USH2A: variants seen among roughly 807,000 people sequenced by gnomAD.
USH2A encodes the protein usherin, also known as Usher syndrome 2A (autosomal recessive, mild).
A neutral mutation model predicts 538.9 loss-of-function variants in USH2A; 443 were observed. That is an observed-to-expected ratio of 0.82 (90% CI 0.76 to 0.89). The LOEUF (loss-of-function observed/expected upper bound fraction) is 0.89, where lower values mean the gene tolerates loss of function less well. Ranked by LOEUF, USH2A falls within the 40% of genes least tolerant of loss-of-function variation. The pLI, the probability that USH2A is intolerant of heterozygous loss-of-function variation, is 0.00. For synonymous variants in USH2A, 2,413 were observed against 2,273.5 expected (o/e 1.06, Z -1.75); for missense variants, 6,633 against 6,324.8 (o/e 1.05, Z -1.65).
At chr1:215,770,158 C>T (rs1661239106) in intron 55 of USH2A, among the ~76,000 whole-genome samples, 2 of 152,128 alleles carry the variant, frequency 1.3e-5, no homozygotes, top group South Asian at 2.1e-4. Context: ...AGGCTTTGTA[C>T]TTTATTTAGC....
In USH2A at chr1:216,174,835, T is replaced by G. The variant is rs957165127; in HGVS notation, c.4627+417A>C. On this transcript the variant is annotated intron_variant, in intron 21 of 71. Transcript: ENST00000307340. ...GCATGATTAGCTAAGCAAAGTTGAA[T>G]AGCTTTCTTACAATGCTTTTTGGAG... The G allele has an allele frequency of 4.9e-6, 5 of 1,025,862 alleles. No homozygotes were observed. In the African/African-American group the frequency reaches 8.6e-5, roughly 18 times the overall value. The allele number at this position is 1,025,862 out of a possible 1,614,324, so 63.5% of individuals were successfully genotyped here.
chr1:216,244,654 C>T lies in USH2A; in HGVS notation c.2809+1931G>A, dbSNP rs916646176. 2.6e-5 allele frequency among the ~76,000 whole-genome samples: 4 copies of T among 151,716 alleles called. 1 individual carries two copies. Among genetic ancestry groups the T allele is most frequent in the Non-Finnish European group, 5.9e-5 (4 of 67,908 alleles). On this transcript the variant is annotated intron_variant, in intron 13 of 71. Transcript: ENST00000307340. ...ATGGTGTAGATTAAATTATCCATGGCTTTTTCTGCAATGATATGCAAAACA... is the reference window on the plus strand; with the variant it reads ...ATGGTGTAGATTAAATTATCCATGGTTTTTTCTGCAATGATATGCAAAACA...
intron 52 of USH2A, among the ~76,000 whole-genome samples, chr1:215,784,542 T>C (rs1661738204): frequency 6.6e-6 from 1 of 152,224 alleles, no homozygotes; most frequent in Non-Finnish European, 1.5e-5. Flanking sequence ...AGTCCTAATG[T>C]AGTGACTAGT....
At chr1:216,171,913 G>A (rs1357808960) in intron 21 of USH2A, among the ~76,000 whole-genome samples, 1 of 152,022 alleles carries the variant, frequency 6.6e-6, no homozygotes, top group Non-Finnish European at 1.5e-5. Flanking sequence ...TGATGTAAAT[G>A]ACTGATAATA....
At chr1:216,415,118 T>C (rs952933866) in intron 3 of USH2A, among the ~76,000 whole-genome samples, 1 of 152,102 alleles carries the variant, frequency 6.6e-6, no homozygotes, top group Non-Finnish European at 1.5e-5. Flanking sequence ...GATCATTGGT[T>C]AATGGGGCTG....
At chr1:215,995,868 A>G (rs1469980821) in intron 34 of USH2A, among the ~76,000 whole-genome samples, 1 of 152,186 alleles carries the variant, frequency 6.6e-6, no homozygotes, top group Non-Finnish European at 1.5e-5. Flanking sequence ...TTTATCAATT[A>G]TTTTTGAAAT....
intron 32 of USH2A, among the ~76,000 whole-genome samples, chr1:216,031,939 T>C (rs12141297): frequency 0.4 from 61,064 of 152,038 alleles, 12,689 homozygotes; most frequent in African/African-American, 0.49. Flanking sequence ...GTGAACATTC[T>C]TCTGTGACAC....
At chr1:215,911,044 T>A (rs1486994408) in intron 38 of USH2A, among the ~76,000 whole-genome samples, 1 of 151,840 alleles carries the variant, frequency 6.6e-6, no homozygotes, top group Non-Finnish European at 1.5e-5. Flanking sequence ...TTGAGAACAA[T>A]TTTTTTCTTA....
Position 215,979,817 on chromosome 1 carries a change from G to A in USH2A, c.6806-9041C>T, listed in dbSNP as rs535602768. Among the ~76,000 whole-genome samples the A allele has an allele frequency of 1.3e-4, 20 of 152,150 alleles. 1 individual carries two copies. The South Asian group carries it at 3.7e-3, about 28-fold the overall frequency. On this transcript the variant is annotated intron_variant, in intron 35 of 71. Transcript: ENST00000307340. ...TCCTTTATCAAACATGAACAATGACGTTAATCTCATAAAAGCCTACTTCCA... is the reference window on the plus strand; with the variant it reads ...TCCTTTATCAAACATGAACAATGACATTAATCTCATAAAAGCCTACTTCCA...
chr1:216,279,930 G>A (rs1253862561), intron 11 of USH2A, among the ~76,000 whole-genome samples: 1 of 152,006 alleles, frequency 6.6e-6, no homozygotes, highest in Non-Finnish European at 1.5e-5. Context: ...GGGGCTACCA[G>A]AAAATATGTG....
In USH2A at chr1:216,198,541, A is replaced by G. The variant is rs2102464364; in HGVS notation, c.3855T>C (p.Ser1285=). 3 of 1,613,878 alleles carry G rather than the reference A, an allele frequency of 1.9e-6. No individual in the cohort carries two copies. Among genetic ancestry groups the G allele is most frequent in the Non-Finnish European group, 2.5e-6 (3 of 1,179,934 alleles). Residue 1285 remains serine, a synonymous_variant, in exon 18 of 72, where the codon TCT becomes TCC. Coordinates refer to ENST00000307340, the MANE Select transcript of USH2A (RefSeq NM_206933.4). ...TTTCCTCAGATGTGGTTTCTTTAGTAGATCTCAGTCTTCTCATGTATAGTT... is the reference window on the plus strand; with the variant it reads ...TTTCCTCAGATGTGGTTTCTTTAGTGGATCTCAGTCTTCTCATGTATAGTT... ...RYELYMRRLR[S]TKETTSEESR...
intron 37 of USH2A, among the ~76,000 whole-genome samples, chr1:215,949,521 CA>C (rs1172447960): frequency 6.6e-6 from 1 of 151,874 alleles, no homozygotes; most frequent in African/African-American, 2.4e-5. Context: ...CCATAAGATA[CA>C]AATGTATTTT....
intron 11 of USH2A, 102 bp from the exon 12 acceptor site, chr1:216,251,200 G>A: frequency 8.7e-7 from 1 of 1,151,570 alleles, no homozygotes. Flanking sequence ...AAAACTAAAT[G>A]TTCAACAGAC....
intron 13 of USH2A, among the ~76,000 whole-genome samples, chr1:216,240,767 A>C (rs2035922579): frequency 6.6e-6 from 1 of 151,788 alleles, no homozygotes; most frequent in African/African-American, 2.4e-5. Context: ...TACCAAATAC[A>C]CAAATAAACC....
At chr1:215,650,853 GAAAAAA>G in intron 64 of USH2A, 52 bp from the exon 65 acceptor site, 6 of 1,231,970 alleles carry the variant, frequency 4.9e-6, no homozygotes, top group South Asian at 1.4e-5. Flanking sequence ...CTAAGGCTGG[GAAAAAA>G]AAAAAAAAAA....
Position 216,323,468 on chromosome 1 carries a change from T to G in USH2A, c.1550+6A>C. The G allele has an allele frequency of 6.2e-7, 1 of 1,613,126 alleles. No homozygotes were observed. The highest frequency in any genetic ancestry group is 8.5e-7 in the Non-Finnish European group (1 of 1,179,506). ...ACCTTGTTGAAAACAAAATTCATAA[T>G]AATACCTCCCACTAATGGTGATTTC... On this transcript the variant is annotated splice_donor_region_variant and intron_variant, in intron 8 of 71. Coordinates refer to ENST00000307340, the MANE Select transcript of USH2A (RefSeq NM_206933.4).
At chr1:216,084,532 A>G (rs1291416903) in intron 25 of USH2A, among the ~76,000 whole-genome samples, 166 bp downstream of exon 25, 6 of 152,156 alleles carry the variant, frequency 3.9e-5, no homozygotes, top group Non-Finnish European at 5.9e-5. Context: ...TTTATATTGC[A>G]TATTCAGATG....
chr1:215,803,705 C>T (rs11120640), intron 49 of USH2A, among the ~76,000 whole-genome samples: 66,935 of 151,776 alleles, frequency 0.44, 15,365 homozygotes, highest in Admixed American at 0.57. Flanking sequence ...ATGGCCATAC[C>T]GCCCAAGGTA....
chr1:216,208,994 T>A (rs558241739), intron 15 of USH2A, among the ~76,000 whole-genome samples: 13 of 152,304 alleles, frequency 8.5e-5, no homozygotes, highest in African/African-American at 3.1e-4. Context: ...AAGCAGGTGT[T>A]AAGCATAAAC....
Sources: allele counts gnomAD v4.1 joint callset (sites outside exome capture counted in the v4.1 genomes callset), GRCh38; gene constraint gnomAD v4.1.1; transcripts MANE v1.5; gene names NCBI Gene and HGNC (gene_info 2026-07-23, HGNC 2026-07-21).